Variants in NPAS3 observed in about 807,000 individuals in gnomAD.
NPAS3 encodes the protein neuronal PAS domain-containing protein 3.
In NPAS3, 14 loss-of-function variants were observed where a neutral mutation model predicts 73.1. That is an observed-to-expected ratio of 0.19 (90% confidence interval 0.13 to 0.30). The LOEUF is 0.30. NPAS3 is among the 10% of genes least tolerant of loss of function. NPAS3 has a pLI of 1.00. For synonymous variants in NPAS3, 620 were observed against 541.5 expected, an observed-to-expected ratio of 1.14 and a Z score of -2.01; for missense variants, 1,096 against 1,250.0, an observed-to-expected ratio of 0.88 and a Z score of 1.86.
intron 3 of NPAS3, among the ~76,000 whole-genome samples, chr14:33,245,286 T>C (rs2048338019): frequency 6.6e-6 from 1 of 152,198 alleles, no homozygotes; most frequent in Non-Finnish European, 1.5e-5. Flanking sequence ...TACTACTGAG[T>C]ATTTCTGTGT....
At chr14:33,358,345 A>G (rs1246982072) in intron 3 of NPAS3, among the ~76,000 whole-genome samples, 4 of 152,202 alleles carry the variant, frequency 2.6e-5, no homozygotes, top group African/African-American at 7.2e-5. Flanking sequence ...TTGAGCCCCA[A>G]GAAGGCACTG....
chr14:33,799,692 C>T, intron 11 of NPAS3, 42 bp from the exon 12 acceptor site: 1 of 1,542,782 alleles, frequency 6.5e-7, no homozygotes, highest in East Asian at 2.4e-5. Context: ...TCTCTCTCTT[C>T]TCTCTCCGCC....
At chr14:33,333,587 CTT>C (rs5807716) in intron 3 of NPAS3, among the ~76,000 whole-genome samples, 3 of 151,786 alleles carry the variant, frequency 2.0e-5, no homozygotes, top group Non-Finnish European at 4.4e-5. Context: ...CATACCCAGA[CTT>C]TTTTTTCCTG....
At chr14:33,095,739 A>G (rs1408783193) in intron 2 of NPAS3, among the ~76,000 whole-genome samples, 5 of 135,712 alleles carry the variant, frequency 3.7e-5, no homozygotes, top group African/African-American at 1.4e-4. Flanking sequence ...CGCGATCTGG[A>G]CTCACTGCAA....
At chr14:33,564,815 T>C (rs2055845294) in intron 5 of NPAS3, among the ~76,000 whole-genome samples, 1 of 152,152 alleles carries the variant, frequency 6.6e-6, no homozygotes, top group Admixed American at 6.5e-5. Flanking sequence ...TAATATAGGG[T>C]CCTGTTTACA....
At chr14:33,537,881 G>A (rs1339094980) in intron 4 of NPAS3, among the ~76,000 whole-genome samples, 6 of 152,182 alleles carry the variant, frequency 3.9e-5, no homozygotes, top group African/African-American at 7.2e-5. Flanking sequence ...ATGGAGCACA[G>A]AGCACTGCTC....
intron 4 of NPAS3, among the ~76,000 whole-genome samples, chr14:33,550,185 G>A (rs1354283295): frequency 1.3e-5 from 2 of 151,970 alleles, no homozygotes; most frequent in Non-Finnish European, 2.9e-5. Context: ...GTTATTTGGG[G>A]TTTGTTTTGT....
chr14:33,074,273 T>C (rs760430995), intron 2 of NPAS3, among the ~76,000 whole-genome samples: 2 of 152,198 alleles, frequency 1.3e-5, no homozygotes, highest in South Asian at 2.1e-4. Flanking sequence ...GTTAATGTTA[T>C]AGGATAGGTA....
At chr14:33,322,734 A>G (rs2043513158) in intron 3 of NPAS3, among the ~76,000 whole-genome samples, 1 of 152,132 alleles carries the variant, frequency 6.6e-6, no homozygotes, top group Non-Finnish European at 1.5e-5. Context: ...ACAGTAGGTG[A>G]ACCAAAAACC....
intron 1 of NPAS3, among the ~76,000 whole-genome samples, chr14:33,021,114 A>G (rs2039581008): frequency 6.6e-6 from 1 of 152,124 alleles, no homozygotes; most frequent in African/African-American, 2.4e-5. Flanking sequence ...CACTGCCTCC[A>G]ATTTGTTGAT....
intron 4 of NPAS3, among the ~76,000 whole-genome samples, chr14:33,536,013 AGGCCTCTGGCTCCTGACTTT>A (rs2140211591): frequency 6.6e-6 from 1 of 152,250 alleles, no homozygotes; most frequent in East Asian, 1.9e-4. Flanking sequence ...CGCTGGAGAG[AGGCCTCTGGCTCCTGACTTT>A]GGCCTCGTAT....
chr14:33,321,709 G>A (rs989315876), intron 3 of NPAS3, among the ~76,000 whole-genome samples: 4 of 151,940 alleles, frequency 2.6e-5, no homozygotes, highest in African/African-American at 9.7e-5. Flanking sequence ...GTGGGTTAAT[G>A]CACATATTGA....
chr14:32,993,787 T>C (rs1311796145), intron 1 of NPAS3, among the ~76,000 whole-genome samples: 2 of 152,094 alleles, frequency 1.3e-5, no homozygotes, highest in East Asian at 3.9e-4. Flanking sequence ...TTTAAGAAAA[T>C]GGAAAAAAAA....
intron 6 of NPAS3, among the ~76,000 whole-genome samples, chr14:33,728,928 T>C (rs753307818): frequency 2.0e-5 from 3 of 152,156 alleles, no homozygotes; most frequent in Non-Finnish European, 4.4e-5. Context: ...GTTTGGTGTG[T>C]GAGAGAGTGA....
intron 1 of NPAS3, among the ~76,000 whole-genome samples, chr14:33,007,571 T>G (rs1193033435): frequency 1.3e-5 from 2 of 152,216 alleles, no homozygotes; most frequent in Non-Finnish European, 2.9e-5. Flanking sequence ...AGATATTGTT[T>G]TGTTCTGCAG....
chr14:33,147,730 A>AAAAAAAATATATATAT (rs372663411), intron 2 of NPAS3, among the ~76,000 whole-genome samples: 41 of 130,356 alleles, frequency 3.1e-4, no homozygotes, highest in African/African-American at 1.3e-3. Context: ...TAGAATAAAA[A>AAAAAAAATATATATAT]ATATATATAT....
chr14:33,428,142 G>T (rs1366613770), intron 4 of NPAS3, among the ~76,000 whole-genome samples: 1 of 152,002 alleles, frequency 6.6e-6, no homozygotes, highest in Non-Finnish European at 1.5e-5. Context: ...GGTCTTTGCT[G>T]TAAGACACCA....
chr14:33,476,749 C>A (rs2051054314), intron 4 of NPAS3, among the ~76,000 whole-genome samples: 1 of 152,242 alleles, frequency 6.6e-6, no homozygotes, highest in African/African-American at 2.4e-5. Flanking sequence ...TTCCACCTGG[C>A]CCCTTTACCT....
chr14:33,774,612 C>T (rs1010305600), intron 8 of NPAS3, 82 bp downstream of exon 8: 40 of 1,115,602 alleles, frequency 3.6e-5, no homozygotes, highest in Non-Finnish European at 5.4e-5. Context: ...AAGGATGGTA[C>T]TCTCCCAGTG....
Sources: gnomAD v4.1 joint callset for allele counts (sites outside exome capture counted in the v4.1 genomes callset) on GRCh38, gnomAD v4.1.1 for gene constraint, MANE v1.5 for transcripts, NCBI Gene and HGNC (gene_info 2026-07-23, HGNC 2026-07-21) for gene names.